The following WDR72 variants were observed in gnomAD, a reference collection of about 807,000 sequenced individuals.
WDR72 encodes the protein WD repeat-containing protein 72.
WDR72 carries 120 observed loss-of-function variants against 124.2 expected under a neutral mutation model. The observed-to-expected ratio is 0.97, with a 90% CI of 0.83 to 1.12. The LOEUF is 1.12. Ranked by LOEUF, WDR72 falls within the 50% of genes most tolerant of loss-of-function variation. The pLI, the probability that WDR72 is intolerant of heterozygous loss-of-function variation, is 0.00. For synonymous variants in WDR72, 452 were observed against 441.7 expected (o/e 1.02, Z -0.29); for missense variants, 1,387 against 1,278.8 (o/e 1.08, Z -1.29).
chr15:53,538,574 C>A (rs1892889546), intron 18 of WDR72, among the ~76,000 whole-genome samples: 1 of 152,206 alleles, frequency 6.6e-6, no homozygotes, highest in Non-Finnish European at 1.5e-5. Flanking sequence ...AAAATAACAT[C>A]AAAAAATTCT....
chr15:53,584,778 C>A (rs2012112770), intron 18 of WDR72, among the ~76,000 whole-genome samples: 1 of 152,006 alleles, frequency 6.6e-6, no homozygotes, highest in African/African-American at 2.4e-5. Flanking sequence ...ACACCAAAAT[C>A]ATCCCATCTC....
chr15:53,706,440 T>C (rs1202723268), intron 9 of WDR72, among the ~76,000 whole-genome samples: 1 of 143,844 alleles, frequency 7.0e-6, no homozygotes, highest in Non-Finnish European at 1.5e-5. Flanking sequence ...ACATATTCAG[T>C]TAAATAATCC....
At chr15:53,636,642 A>C (rs2014634232) in intron 14 of WDR72, among the ~76,000 whole-genome samples, 1 of 152,202 alleles carries the variant, frequency 6.6e-6, no homozygotes, top group South Asian at 2.1e-4. Context: ...TCTACTATGT[A>C]AGAACTCACT....
At chr15:53,542,859 A>G (rs1893222784) in intron 18 of WDR72, among the ~76,000 whole-genome samples, 2 of 117,130 alleles carry the variant, frequency 1.7e-5, no homozygotes, top group Admixed American at 1.8e-4. Context: ...CTCTGATAAA[A>G]CAGACTTTAA....
chr15:53,683,632 G>GA (rs1264422034), intron 13 of WDR72, among the ~76,000 whole-genome samples: 1 of 151,808 alleles, frequency 6.6e-6, no homozygotes, highest in African/African-American at 2.4e-5. Context: ...TTTCCCCATA[G>GA]AAAATAGATT....
intron 13 of WDR72, among the ~76,000 whole-genome samples, chr15:53,679,837 T>G (rs1202708257): frequency 4.6e-5 from 7 of 152,130 alleles, no homozygotes; most frequent in Admixed American, 3.3e-4. Flanking sequence ...GAATTCATGA[T>G]TTTTCAGATT....
Position 53,716,061 on chromosome 15 carries a change from A to G in WDR72, c.339+546T>C, listed in dbSNP as rs1179725977. On this transcript the variant is annotated intron_variant, in intron 4 of 19. Coordinates refer to ENST00000360509, the MANE Select transcript of WDR72 (RefSeq NM_182758.4). ...GAATGTTACAATGCACATCAGCAAC[A>G]CTAAGAGTGTAAAATATTTTAAAAC... 3.3e-5 allele frequency among the ~76,000 whole-genome samples: 5 copies of G among 152,220 alleles called. No individual in the cohort carries two copies. The East Asian group carries it at 9.6e-4, about 29-fold the overall frequency.
At chr15:53,623,098 G>C (rs1303945367) in intron 14 of WDR72, among the ~76,000 whole-genome samples, 1 of 152,022 alleles carries the variant, frequency 6.6e-6, no homozygotes, top group Non-Finnish European at 1.5e-5. Context: ...GTAAAATATT[G>C]TATACTATAC....
At chr15:53,575,655 C>T (rs1432179411) in intron 18 of WDR72, among the ~76,000 whole-genome samples, 2 of 152,010 alleles carry the variant, frequency 1.3e-5, no homozygotes, top group Non-Finnish European at 2.9e-5. Flanking sequence ...ATAACAGTAC[C>T]TAGCCTGCAT....
rs1381695517 is a variant in WDR72 at position 53,733,058 on chromosome 15, G to A, written c.92C>T (p.Thr31Met). The change falls in exon 2 of 20, where the codon ACG (threonine) becomes ATG (methionine). Residue 31 changes from threonine (T) to methionine (M), a missense_variant. Transcript: ENST00000360509. The stretch of plus-strand genomic sequence containing the variant: ...ACCCTCTTGACTTCCAGTCACAATC[G>A]TTCGCTGGTCATCAGTGATCATGAT... ...TAIMITDDQR[T>M]IVTGSQEGQL... 9 of 1,613,856 alleles carry A rather than the reference G, an allele frequency of 5.6e-6. No homozygotes were observed. The highest frequency in any genetic ancestry group is 5.3e-5 in the African/African-American group (4 of 74,878).
chr15:53,696,956 A>G (rs1203938111), intron 13 of WDR72, among the ~76,000 whole-genome samples: 2 of 152,242 alleles, frequency 1.3e-5, no homozygotes, highest in African/African-American at 4.8e-5. Flanking sequence ...AGAAGTGAAG[A>G]GGCACGTCAC....
intron 18 of WDR72, among the ~76,000 whole-genome samples, chr15:53,541,522 A>G (rs1893134669): frequency 6.6e-6 from 1 of 151,386 alleles, no homozygotes; most frequent in African/African-American, 2.4e-5. Flanking sequence ...GCAAAAGTAG[A>G]TAAAACCACA....
chr15:53,584,610 T>G (rs1187275401), intron 18 of WDR72, among the ~76,000 whole-genome samples: 1 of 152,080 alleles, frequency 6.6e-6, no homozygotes, highest in Non-Finnish European at 1.5e-5. Flanking sequence ...CTCCTGCTTT[T>G]GTCAGTTTCT....
At chr15:53,615,403 C>T (rs1229137490) in intron 15 of WDR72, 23 bp downstream of exon 15, 3 of 1,560,864 alleles carry the variant, frequency 1.9e-6, no homozygotes, top group Non-Finnish European at 2.6e-6. Context: ...CTAGTATAGT[C>T]AAAATCTCTA....
chr15:53,728,609 G>A (rs1056737471), intron 2 of WDR72, among the ~76,000 whole-genome samples: 2 of 152,162 alleles, frequency 1.3e-5, no homozygotes, highest in Admixed American at 1.3e-4. Flanking sequence ...TCATTTTATT[G>A]TGTTTCCTTC....
chr15:53,561,907 A>T (rs1006036736), intron 18 of WDR72, among the ~76,000 whole-genome samples: 9 of 151,832 alleles, frequency 5.9e-5, no homozygotes, highest in Non-Finnish European at 1.3e-4. Context: ...AAAGCTATGT[A>T]ACCTGTTTTG....
Position 53,716,593 on chromosome 15 carries a change from G to C in WDR72, c.339+14C>G, listed in dbSNP as rs768927823. ...AGAATCTAGAAATGCCCTGAAGGAAGTGAGTGTACTTACACAGATTGCAGT... is the reference window on the plus strand; with the variant it reads ...AGAATCTAGAAATGCCCTGAAGGAACTGAGTGTACTTACACAGATTGCAGT... On this transcript the variant is annotated intron_variant, in intron 4 of 19. Coordinates refer to ENST00000360509, the MANE Select transcript of WDR72 (RefSeq NM_182758.4). 7.7e-6 allele frequency: 12 copies of C among 1,554,382 alleles called. No homozygotes were observed. Among genetic ancestry groups the C allele is most frequent in the Non-Finnish European group, 1.1e-5 (12 of 1,125,322 alleles).
At chr15:53,753,077 C>G (rs2018813145) in intron 1 of WDR72, among the ~76,000 whole-genome samples, 1 of 152,164 alleles carries the variant, frequency 6.6e-6, no homozygotes, top group Admixed American at 6.5e-5. Flanking sequence ...ATTCCCATGG[C>G]TGTCAACGGG....
intron 18 of WDR72, among the ~76,000 whole-genome samples, chr15:53,589,502 A>T (rs1192155776): frequency 1.3e-5 from 2 of 152,050 alleles, no homozygotes; most frequent in South Asian, 2.1e-4. Context: ...GATGGGAGGA[A>T]AAAAGATAAA....
Sources: gnomAD v4.1 joint callset for allele counts (sites outside exome capture counted in the v4.1 genomes callset) on GRCh38, gnomAD v4.1.1 for gene constraint, MANE v1.5 for transcripts, NCBI Gene and HGNC (gene_info 2026-07-23, HGNC 2026-07-21) for gene names.